The following BRSK2 variants were observed in gnomAD, a reference collection of about 807,000 sequenced individuals.
BRSK2 encodes the protein BR serine/threonine kinase 2.
BRSK2 carries 19 observed loss-of-function variants against 83.3 expected under a neutral mutation model. That is an observed-to-expected ratio of 0.23 (90% CI 0.16 to 0.33). BRSK2 has a LOEUF of 0.33. Ranked by LOEUF, BRSK2 falls within the 10% of genes least tolerant of loss-of-function variation. The probability of loss-of-function intolerance (pLI) is 1.00; values close to 1 mark genes in which losing one functional copy is unlikely to be tolerated. For synonymous variants in BRSK2, 519 were observed against 435.4 expected (o/e 1.19, Z -2.39); for missense variants, 798 against 1,042.3 (o/e 0.77, Z 3.23).
Position 1,445,789 on chromosome 11 carries a change from C to T in BRSK2, c.1108C>T (p.Leu370=), listed in dbSNP as rs745702784. ...CCGGAAGCGTGTGGACTCCCCGATG[C>T]TGAACCGGCACGGCAAGCGGCGGCC... ...PPRKRVDSPM[L]NRHGKRRPER... is the part of the protein sequence containing the mutation. The change falls in exon 12 of 20, where the codon CTG becomes TTG. Residue 370 remains leucine (L), a synonymous_variant. Transcript: ENST00000528841. 4.4e-5 allele frequency: 71 copies of T among 1,612,278 alleles called. No individual in the cohort carries two copies. The South Asian group carries it at 7.5e-4, about 17-fold the overall frequency.
intron 1 of BRSK2, among the ~76,000 whole-genome samples, chr11:1,397,209 G>C (rs1264056484): frequency 6.6e-6 from 1 of 152,234 alleles, no homozygotes; most frequent in Non-Finnish European, 1.5e-5. Flanking sequence ...ATCTCCCTGA[G>C]GCCTCACCCC....
intron 1 of BRSK2, among the ~76,000 whole-genome samples, chr11:1,432,910 CA>C: frequency 3.0e-4 from 1 of 3,318 alleles, no homozygotes; most frequent in African/African-American, 1.6e-3. Flanking sequence ...GCGGTCTGGT[CA>C]GGTTTTGCCA....
intron 1 of BRSK2, among the ~76,000 whole-genome samples, chr11:1,434,335 A>G (rs886424807): frequency 5.3e-5 from 8 of 151,550 alleles, no homozygotes; most frequent in African/African-American, 1.9e-4. Flanking sequence ...CCCTGTGATA[A>G]CCTGGGCCGG....
intron 18 of BRSK2, chr11:1,456,961 C>T (rs1846650244): frequency 6.3e-7 from 1 of 1,597,428 alleles, no homozygotes; most frequent in South Asian, 1.1e-5. Flanking sequence ...GTAGAACCCC[C>T]CCCACCAGCG....
rs540276496 is a variant in BRSK2 at position 1,429,322 on chromosome 11, C to T, written c.92-6718C>T. 7.7e-3 allele frequency among the ~76,000 whole-genome samples: 772 copies of T among 100,748 alleles called. 13 individuals are homozygous for T. The highest frequency in any genetic ancestry group is 0.04 in the African/African-American group (705 of 17,780). 66.1% of individuals were successfully genotyped at this position (100,748 alleles called of 152,430 possible). A position where few individuals can be genotyped will look rare whatever the true frequency, so the allele number is the denominator to read the frequency against. On this transcript the variant is annotated intron_variant, in intron 1 of 19. Coordinates refer to ENST00000528841, the MANE Select transcript of BRSK2 (RefSeq NM_001256627.2). ...TGTGTCCTGGGTGTGTGTGCGTGTG[C>T]GCACAGGTGTGTGTCCTGGGTGCAT...
chr11:1,435,198 ATCTCAGCAGAGGAGGGGTGCCGGTGGGGG>A (rs1850118444), intron 1 of BRSK2, among the ~76,000 whole-genome samples: 5 of 145,382 alleles, frequency 3.4e-5, no homozygotes, highest in Admixed American at 7.0e-5. Context: ...GGTGCAGAGC[ATCTCAGCAGAGGAGGGGTGCCGGTGGGGG>A]TCTCAGCGGA....
intron 1 of BRSK2, among the ~76,000 whole-genome samples, chr11:1,404,557 T>C (rs1846702288): frequency 6.6e-6 from 1 of 152,150 alleles, no homozygotes; most frequent in African/African-American, 2.4e-5. Flanking sequence ...GGCCCCTCCC[T>C]GGATGCCACA....
chr11:1,425,281 G>A (rs1180134698), intron 1 of BRSK2, among the ~76,000 whole-genome samples: 1 of 152,214 alleles, frequency 6.6e-6, no homozygotes, highest in Non-Finnish European at 1.5e-5. Context: ...TGATCTGCAG[G>A]CTGGGCTGGA....
chr11:1,440,670 A>G (rs1427751521), intron 3 of BRSK2, 118 bp from the exon 4 acceptor site: 1 of 1,322,102 alleles, frequency 7.6e-7, no homozygotes, highest in Non-Finnish European at 1.0e-6. Context: ...CCAGCCAGCA[A>G]GAGGATGGGG....
intron 1 of BRSK2, among the ~76,000 whole-genome samples, chr11:1,398,383 AG>A (rs1846256071): frequency 6.6e-6 from 1 of 151,998 alleles, no homozygotes; most frequent in South Asian, 2.1e-4. Context: ...CCTGGGTCCG[AG>A]AGTTATCTTG....
chr11:1,449,427 G>A (rs1845530718), intron 12 of BRSK2, among the ~76,000 whole-genome samples: 1 of 152,244 alleles, frequency 6.6e-6, no homozygotes, highest in Non-Finnish European at 1.5e-5. Flanking sequence ...TGGAGCAGAA[G>A]GGGCTGCATA....
In BRSK2 at chr11:1,415,799, C is replaced by A. The variant is rs566484984; in HGVS notation, c.92-20241C>A. On this transcript the variant is annotated intron_variant, in intron 1 of 19. Transcript: ENST00000528841. ...GTCCCAGCAGAGGACTTGGTCCCAGCAGAGGACTTGGAGCGGCTGCCCCTT... is the reference window on the plus strand; with the variant it reads ...GTCCCAGCAGAGGACTTGGTCCCAGAAGAGGACTTGGAGCGGCTGCCCCTT... 2.2e-5 allele frequency among the ~76,000 whole-genome samples: 3 copies of A among 137,022 alleles called. No individual in the cohort carries two copies. The South Asian group carries it at 7.5e-4, about 34-fold the overall frequency. The allele number at this position is 137,022 out of a possible 152,430, so 89.9% of individuals were successfully genotyped here.
Position 1,450,683 on chromosome 11 carries a change from C to G in BRSK2, c.1384C>G (p.Pro462Ala). The G allele has an allele frequency of 6.2e-7, 1 of 1,609,538 alleles. No individual in the cohort carries two copies. The highest frequency in any genetic ancestry group is 8.5e-7 in the Non-Finnish European group (1 of 1,178,778). The change falls in exon 14 of 20, where the codon CCC becomes GCC. Residue 462 changes from proline to alanine, a missense_variant. By Grantham distance (27) the Pro-to-Ala change is conservative. Transcript: ENST00000528841. Reference protein sequence around the residue: ...PKESPAGTPNPTPPSSPSVGG... With the variant: ...PKESPAGTPNATPPSSPSVGG... ...GGAGAGCCCGGCTGGCACGCCCAAC[C>G]CCACGCCCCCGTCCAGCCCCAGCGT...
chr11:1,417,116 A>G (rs1848177677), intron 1 of BRSK2, among the ~76,000 whole-genome samples: 1 of 152,130 alleles, frequency 6.6e-6, no homozygotes. Flanking sequence ...CTGAGATTGC[A>G]CCACTGCACT....
intron 12 of BRSK2, among the ~76,000 whole-genome samples, chr11:1,449,294 G>C (rs1283749082): frequency 1.3e-5 from 2 of 152,218 alleles, no homozygotes; most frequent in Non-Finnish European, 2.9e-5. Flanking sequence ...CAAGGGAAGG[G>C]CCGGCCGCTG....
chr11:1,456,213 C>T lies in BRSK2; in HGVS notation c.1669-135C>T, dbSNP rs1344389328. ...CCAGCCGTCTCCAACCGCACTGTGC[C>T]CCTCACGGAAGCAGAGGTGCCTGGG... On this transcript the variant is annotated intron_variant, in intron 16 of 19. Transcript: ENST00000528841. The T allele has an allele frequency of 6.5e-6, 6 of 925,112 alleles. No individual in the cohort carries two copies. The African/African-American group carries it at 1.0e-4, about 16-fold the overall frequency. 57.3% of individuals were successfully genotyped at this position (925,112 alleles called of 1,614,324 possible). A position where few individuals can be genotyped will look rare whatever the true frequency, so the allele number is the denominator to read the frequency against.
chr11:1,402,311 A>G (rs1846532759), intron 1 of BRSK2, among the ~76,000 whole-genome samples: 2 of 152,166 alleles, frequency 1.3e-5, no homozygotes, highest in South Asian at 4.1e-4. Flanking sequence ...AGACTCCTCC[A>G]AGTCACCTTG....
rs758934543 is a variant in BRSK2, at chr11:1,451,436, G to A, written c.1544+17G>A. 4 of 1,612,258 alleles carry A rather than the reference G, an allele frequency of 2.5e-6. No individual in the cohort carries two copies. Among genetic ancestry groups the A allele is most frequent in the Non-Finnish European group, 3.4e-6 (4 of 1,179,424 alleles). On this transcript the variant is annotated intron_variant, in intron 15 of 19. Coordinates refer to ENST00000528841, the MANE Select transcript of BRSK2 (RefSeq NM_001256627.2). ...GTCCCCAGAGTAAGTGGCCCCTGCT[G>A]GAGGCCTCCTGGTACCTGACACCAG...
rs55842628 is a variant in BRSK2, at chr11:1,454,732, C to T, written c.1668+124C>T. On this transcript the variant is annotated intron_variant, in intron 16 of 19. Transcript: ENST00000528841. The surrounding 1 kb of genome is among the most constrained non-coding windows in gnomAD (Gnocchi z 5.2). Reference sequence around the variant, plus strand: ...CGCGCACAGCACGGACGTCCGCTCACCCGTGGGCCTGCCTGGCCGCCTTCA... The same window carrying T: ...CGCGCACAGCACGGACGTCCGCTCATCCGTGGGCCTGCCTGGCCGCCTTCA... The T allele has an allele frequency of 5.4e-6, 7 of 1,296,606 alleles. No homozygotes were observed. The highest frequency in any genetic ancestry group is 1.5e-5 in the African/African-American group (1 of 67,992). 80.3% of individuals were successfully genotyped at this position (1,296,606 alleles called of 1,614,324 possible).
Sources: gnomAD v4.1 joint callset for allele counts (sites outside exome capture counted in the v4.1 genomes callset) on GRCh38, gnomAD v4.1.1 for gene constraint, Gnocchi (gnomAD v3.1) non-coding constraint, MANE v1.5 for transcripts, NCBI Gene and HGNC (gene_info 2026-07-23, HGNC 2026-07-21) for gene names.